The following LRRC4C variants were observed in gnomAD, a reference collection of about 807,000 sequenced individuals.
The protein encoded by LRRC4C is leucine rich repeat containing 4C.
Under a neutral mutation model 33.6 loss-of-function variants are expected in LRRC4C, and 5 were observed. That is an observed-to-expected ratio of 0.15 (90% CI 0.08 to 0.31). The LOEUF is 0.31. Among genes scored for constraint, LRRC4C ranks in the 10% least tolerant of loss-of-function variants. The pLI, the probability that LRRC4C is intolerant of heterozygous loss-of-function variation, is 1.00. For missense variants in LRRC4C, 560 were observed against 796.7 expected (o/e 0.70, Z 3.58); for synonymous variants, 329 against 302.0 (o/e 1.09, Z -0.93).
intron 3 of LRRC4C, among the ~76,000 whole-genome samples, chr11:40,336,470 G>A (rs1946607548): frequency 1.3e-5 from 2 of 152,092 alleles, no homozygotes; most frequent in South Asian, 2.1e-4. Context: ...ATTCCTGAAT[G>A]ACTGTATGGA....
At chr11:40,232,845 A>G (rs1865299617) in intron 5 of LRRC4C, among the ~76,000 whole-genome samples, 1 of 152,180 alleles carries the variant, frequency 6.6e-6, no homozygotes, top group African/African-American at 2.4e-5. Context: ...ACTACTGCAG[A>G]CGCTTTCTGT....
At chr11:40,800,615 G>C (rs563212665) in intron 2 of LRRC4C, among the ~76,000 whole-genome samples, 1 of 152,064 alleles carries the variant, frequency 6.6e-6, no homozygotes, top group African/African-American at 2.4e-5. Flanking sequence ...TATTTTGAAG[G>C]GTTGAGGAAA....
intron 4 of LRRC4C, among the ~76,000 whole-genome samples, chr11:40,285,195 C>T (rs1205472779): frequency 6.6e-6 from 1 of 152,064 alleles, no homozygotes; most frequent in African/African-American, 2.4e-5. Context: ...AAAAAACCCC[C>T]AGCTTATGTC....
chr11:40,207,143 G>A (rs1400866595), intron 5 of LRRC4C, among the ~76,000 whole-genome samples: 2 of 152,130 alleles, frequency 1.3e-5, no homozygotes, highest in African/African-American at 4.8e-5. Flanking sequence ...ATATTGTACG[G>A]AACTGTCATT....
chr11:40,820,530 C>T (rs1951890008), intron 2 of LRRC4C, among the ~76,000 whole-genome samples: 1 of 151,690 alleles, frequency 6.6e-6, no homozygotes, highest in Admixed American at 6.6e-5. Flanking sequence ...CCTATAAATC[C>T]AAGGTTATTT....
At chr11:40,292,923 A>C (rs1353662092) in intron 4 of LRRC4C, 2 of 152,060 alleles carry the variant, frequency 1.3e-5, no homozygotes, top group African/African-American at 4.8e-5. Flanking sequence ...CCACCACCAA[A>C]AAAAAAAGTC....
At chr11:40,396,403 G>A (rs1384051030) in intron 3 of LRRC4C, among the ~76,000 whole-genome samples, 2 of 151,918 alleles carry the variant, frequency 1.3e-5, no homozygotes, top group Non-Finnish European at 2.9e-5. Flanking sequence ...GGGGCATAAT[G>A]TCCCTTTTAA....
At chr11:40,284,990 T>A (rs986043173) in intron 4 of LRRC4C, among the ~76,000 whole-genome samples, 1 of 152,098 alleles carries the variant, frequency 6.6e-6, no homozygotes, top group Non-Finnish European at 1.5e-5. Context: ...CCACTGGGGA[T>A]CATGGAATGT....
intron 1 of LRRC4C, among the ~76,000 whole-genome samples, chr11:40,974,211 A>G (rs1592232213): frequency 6.6e-6 from 1 of 152,176 alleles, no homozygotes; most frequent in Non-Finnish European, 1.5e-5. Flanking sequence ...TTAATTATTA[A>G]CATTTGACGT....
rs545274855 is a variant in LRRC4C, at chr11:41,070,902, G to T, written c.-495-137179C>A. Among the ~76,000 whole-genome samples, 5 of 152,130 alleles carry T rather than the reference G, an allele frequency of 3.3e-5. No homozygotes were observed. In the South Asian group the frequency reaches 8.3e-4, roughly 25 times the overall value. ...TTTGATCCAGCAACCCCATTACTAAGTATATACCCAAAGGAATATAAATCA... is the reference window on the plus strand; with the variant it reads ...TTTGATCCAGCAACCCCATTACTAATTATATACCCAAAGGAATATAAATCA... On this transcript the variant is annotated intron_variant, in intron 1 of 6. Coordinates refer to ENST00000528697, the MANE Select transcript of LRRC4C (RefSeq NM_001258419.2).
At chr11:40,360,312 G>A (rs779080077) in intron 3 of LRRC4C, among the ~76,000 whole-genome samples, 1 of 152,092 alleles carries the variant, frequency 6.6e-6, no homozygotes, top group African/African-American at 2.4e-5. Flanking sequence ...TATCAGAGAG[G>A]GGCAAGTAGC....
At chr11:40,744,632 A>G (rs1455321620) in intron 2 of LRRC4C, among the ~76,000 whole-genome samples, 1 of 152,078 alleles carries the variant, frequency 6.6e-6, no homozygotes, top group Admixed American at 6.6e-5. Context: ...GACCCTCAAA[A>G]ATGTTTCTGG....
intron 1 of LRRC4C, among the ~76,000 whole-genome samples, chr11:41,029,858 T>C (rs1856604242): frequency 6.6e-6 from 1 of 151,722 alleles, no homozygotes; most frequent in African/African-American, 2.4e-5. Context: ...GGTGTAAGTG[T>C]GGAAAAGATG....
At chr11:41,185,197 T>C (rs192233221) in intron 1 of LRRC4C, among the ~76,000 whole-genome samples, 4 of 152,156 alleles carry the variant, frequency 2.6e-5, no homozygotes, top group African/African-American at 9.6e-5. Flanking sequence ...AAAAAATAAA[T>C]AGTAGGTAGT....
chr11:40,872,859 A>G (rs2093191993), intron 2 of LRRC4C, among the ~76,000 whole-genome samples: 1 of 152,218 alleles, frequency 6.6e-6, no homozygotes. Flanking sequence ...CACTTTGAGA[A>G]TCAGGATCAC....
At chr11:40,245,850 A>T (rs1369662764) in intron 4 of LRRC4C, among the ~76,000 whole-genome samples, 1 of 151,928 alleles carries the variant, frequency 6.6e-6, no homozygotes, top group Non-Finnish European at 1.5e-5. Context: ...ATTTTTATAG[A>T]TATTATTATT....
intron 5 of LRRC4C, among the ~76,000 whole-genome samples, chr11:40,149,670 G>A (rs1300935716): frequency 6.6e-6 from 1 of 151,984 alleles, no homozygotes; most frequent in Non-Finnish European, 1.5e-5. Flanking sequence ...TTGATGGTCT[G>A]GTAAGGCCCC....
intron 3 of LRRC4C, among the ~76,000 whole-genome samples, chr11:40,614,928 A>G (rs78248843): frequency 0.016 from 2,356 of 151,658 alleles, 67 homozygotes; most frequent in African/African-American, 0.054. Flanking sequence ...GCAACATCTA[A>G]GATAAGTGAT....
chr11:40,666,436 C>A (rs1461949743), intron 2 of LRRC4C, among the ~76,000 whole-genome samples: 3 of 151,974 alleles, frequency 2.0e-5, no homozygotes, highest in Non-Finnish European at 2.9e-5. Flanking sequence ...GTTGTGTCTA[C>A]AAAATTATAT....
Sources: allele counts gnomAD v4.1 joint callset (sites outside exome capture counted in the v4.1 genomes callset), GRCh38; gene constraint gnomAD v4.1.1; transcripts MANE v1.5; gene names NCBI Gene and HGNC (gene_info 2026-07-23, HGNC 2026-07-21).